Variants in MAGI2 observed in about 807,000 individuals in gnomAD.
MAGI2 encodes membrane-associated guanylate kinase, WW and PDZ domain-containing protein 2.
Under a neutral mutation model 133.3 loss-of-function variants are expected in MAGI2, and 35 were observed. That is an observed-to-expected ratio of 0.26 (90% CI 0.20 to 0.35). The LOEUF (loss-of-function observed/expected upper bound fraction) is 0.35, where lower values mean the gene tolerates loss of function less well. Ranked by LOEUF, MAGI2 falls within the 10% of genes least tolerant of loss-of-function variation. MAGI2 has a pLI of 1.00. For synonymous variants in MAGI2, 729 were observed against 710.6 expected, an observed-to-expected ratio of 1.03 and a Z score of -0.41; for missense variants, 1,636 against 1,863.4, an observed-to-expected ratio of 0.88 and a Z score of 2.25.
chr7:79,085,258 T>C (rs1014520152), intron 1 of MAGI2, among the ~76,000 whole-genome samples: 7 of 151,908 alleles, frequency 4.6e-5, no homozygotes, highest in African/African-American at 1.7e-4. Flanking sequence ...AATCTGCTAC[T>C]GAGCCCCTCT....
chr7:78,404,988 C>T (rs1331410873), intron 6 of MAGI2, among the ~76,000 whole-genome samples: 2 of 152,074 alleles, frequency 1.3e-5, no homozygotes, highest in African/African-American at 4.8e-5. Context: ...AATCAAACAA[C>T]CCCATCAAGT....
chr7:78,324,170 C>CACACTACACTACACT (rs71085522), intron 9 of MAGI2, among the ~76,000 whole-genome samples: 3,668 of 127,244 alleles, frequency 0.029, 76 homozygotes, highest in Non-Finnish European at 0.036. Flanking sequence ...CACTACACTA[C>CACACTACACTACACT]ACACTACACT....
chr7:78,166,178 C>T (rs977381069), intron 15 of MAGI2, among the ~76,000 whole-genome samples: 10 of 152,184 alleles, frequency 6.6e-5, no homozygotes, highest in African/African-American at 2.2e-4. Flanking sequence ...ATTTGGTACA[C>T]ACTTCAACAG....
At chr7:78,904,208 G>C (rs1043061609) in intron 2 of MAGI2, 5 of 152,156 alleles carry the variant, frequency 3.3e-5, no homozygotes, top group African/African-American at 1.2e-4. Flanking sequence ...CCAGAGGAGC[G>C]AAGGATGCTA....
chr7:78,580,390 G>A (rs964508521), intron 3 of MAGI2, among the ~76,000 whole-genome samples: 5 of 152,140 alleles, frequency 3.3e-5, no homozygotes, highest in Admixed American at 6.5e-5. Context: ...AATGATGTAC[G>A]TGTTCAGTCA....
chr7:79,224,137 G>A (rs17152076), intron 1 of MAGI2, among the ~76,000 whole-genome samples: 5,825 of 151,972 alleles, frequency 0.038, 215 homozygotes, highest in African/African-American at 0.077. Context: ...ATAGGATCCT[G>A]GACTAATAAT....
At chr7:78,505,316 TTTACAAG>T (rs1794988250) in intron 4 of MAGI2, among the ~76,000 whole-genome samples, 1 of 152,166 alleles carries the variant, frequency 6.6e-6, no homozygotes, top group Non-Finnish European at 1.5e-5. Context: ...ACAAGAATAC[TTTACAAG>T]TTGTCACTGT....
At chr7:79,056,677 T>C (rs1813174439) in intron 1 of MAGI2, among the ~76,000 whole-genome samples, 2 of 152,176 alleles carry the variant, frequency 1.3e-5, no homozygotes, top group South Asian at 4.1e-4. Flanking sequence ...CTTAATTATA[T>C]TGGCTATGGC....
intron 1 of MAGI2, among the ~76,000 whole-genome samples, chr7:79,444,708 G>A (rs1473588087): frequency 6.6e-6 from 1 of 152,066 alleles, no homozygotes; most frequent in East Asian, 1.9e-4. Flanking sequence ...TGGGTAGGAA[G>A]AATCAATATT....
intron 9 of MAGI2, among the ~76,000 whole-genome samples, chr7:78,313,252 C>T (rs1439833060): frequency 6.6e-6 from 1 of 152,012 alleles, no homozygotes; most frequent in Non-Finnish European, 1.5e-5. Flanking sequence ...ACCATGTACA[C>T]TATTCAGGTA....
chr7:78,297,103 G>C (rs1288584677), intron 9 of MAGI2, among the ~76,000 whole-genome samples: 1 of 152,188 alleles, frequency 6.6e-6, no homozygotes, highest in South Asian at 2.1e-4. Flanking sequence ...TATGTAAGGT[G>C]GTGGAGTATA....
At chr7:78,815,457 C>A (rs1323354824) in intron 2 of MAGI2, among the ~76,000 whole-genome samples, 1 of 152,096 alleles carries the variant, frequency 6.6e-6, no homozygotes, top group East Asian at 1.9e-4. Context: ...TTCTAATTGG[C>A]TTTTCACCAC....
intron 1 of MAGI2, among the ~76,000 whole-genome samples, chr7:79,164,304 G>C (rs1824713568): frequency 6.6e-6 from 1 of 151,920 alleles, no homozygotes; most frequent in South Asian, 2.1e-4. Flanking sequence ...TCTGACTCTG[G>C]CATAACATTA....
chr7:78,403,711 A>G (rs997499305), intron 6 of MAGI2, among the ~76,000 whole-genome samples: 51 of 152,102 alleles, frequency 3.4e-4, no homozygotes, highest in African/African-American at 1.2e-3. Flanking sequence ...GTGAGATGGT[A>G]TCTCATTGTG....
intron 3 of MAGI2, among the ~76,000 whole-genome samples, chr7:78,536,082 G>GAGTTT (rs1464165814): frequency 1.4e-5 from 2 of 145,764 alleles, no homozygotes; most frequent in African/African-American, 5.1e-5. Flanking sequence ...CTCCCATACA[G>GAGTTT]CTGGCTCTGT....
intron 1 of MAGI2, among the ~76,000 whole-genome samples, chr7:79,421,268 C>A (rs150291244): frequency 1.5e-3 from 231 of 150,594 alleles, no homozygotes; most frequent in African/African-American, 5.4e-3. Context: ...TAGTTAAGTA[C>A]CCAATAAATA....
chr7:78,156,130 G>T (rs891072850), intron 16 of MAGI2, among the ~76,000 whole-genome samples: 1 of 152,122 alleles, frequency 6.6e-6, no homozygotes, highest in African/African-American at 2.4e-5. Flanking sequence ...TAGCTTATTG[G>T]CTTGTGAACT....
chr7:78,885,246 C>T (rs534845222), intron 2 of MAGI2, among the ~76,000 whole-genome samples: 140 of 152,084 alleles, frequency 9.2e-4, no homozygotes, highest in Non-Finnish European at 1.7e-3. Flanking sequence ...CTACCCCAAA[C>T]CTCAGCATCA....
intron 1 of MAGI2, among the ~76,000 whole-genome samples, chr7:79,060,790 G>A (rs1023637450): frequency 2.6e-5 from 4 of 152,040 alleles, no homozygotes; most frequent in African/African-American, 9.7e-5. Context: ...AGTGAATGAT[G>A]TAGCTATTTT....
Sources: allele counts gnomAD v4.1 joint callset (sites outside exome capture counted in the v4.1 genomes callset), GRCh38; gene constraint gnomAD v4.1.1; transcripts MANE v1.5; gene names NCBI Gene and HGNC (gene_info 2026-07-23, HGNC 2026-07-21).